The following UBE2QL1 variants were observed in gnomAD, a reference collection of about 807,000 sequenced individuals.
UBE2QL1 encodes the protein ubiquitin-conjugating enzyme E2Q-like protein 1.
UBE2QL1 carries 5 observed loss-of-function variants against 12.6 expected under a neutral mutation model. The ratio of observed to expected loss-of-function variants is 0.40; its 90% CI spans 0.21 to 0.83. The LOEUF is 0.83. Among genes scored for constraint, UBE2QL1 ranks in the 40% least tolerant of loss-of-function variants. The pLI, the probability that UBE2QL1 is intolerant of heterozygous loss-of-function variation, is 0.37. For missense variants in UBE2QL1, 99 were observed against 222.6 expected (o/e 0.44, Z 3.53); for synonymous variants, 96 against 94.5 (o/e 1.02, Z -0.10).
intron 1 of UBE2QL1, among the ~76,000 whole-genome samples, chr5:6,458,672 A>G (rs1054065687): frequency 3.3e-5 from 5 of 152,184 alleles, no homozygotes; most frequent in Non-Finnish European, 5.9e-5. Flanking sequence ...GCTAGGATTA[A>G]TTTGTGCTGG....
At chr5:6,464,395 G>A (rs189358465) in intron 1 of UBE2QL1, among the ~76,000 whole-genome samples, 36 of 152,268 alleles carry the variant, frequency 2.4e-4, no homozygotes, top group African/African-American at 7.7e-4. Flanking sequence ...GAAAAGGAAC[G>A]GGAAATAGCT....
chr5:6,491,446 T>C lies in UBE2QL1; in HGVS notation c.*97T>C, dbSNP rs1734568111. ...CTGTGCATCCTCCACCCGTTTTTAC[T>C]CCAGCCAGAACTGCATCCTGAATGC... On this transcript the variant is annotated 3_prime_UTR_variant, in exon 2 of 2. Coordinates refer to ENST00000399816, the MANE Select transcript of UBE2QL1 (RefSeq NM_001145161.3). The C allele has an allele frequency of 7.0e-7, 1 of 1,423,476 alleles. No individual in the cohort carries two copies. The allele number at this position is 1,423,476 out of a possible 1,614,324, so 88.2% of individuals were successfully genotyped here. A position where few individuals can be genotyped will look rare whatever the true frequency, so the allele number is the denominator to read the frequency against.
At position 6,470,018 on chromosome 5, in the gene UBE2QL1, C is replaced by T. The variant is rs1049746245; in HGVS notation, c.354+20771C>T. 2.0e-5 allele frequency among the ~76,000 whole-genome samples: 3 copies of T among 152,270 alleles called. No homozygotes were observed. In the East Asian group the frequency reaches 5.8e-4, roughly 29 times the overall value. ...GTCTGTGGCGATTATAAGACAACAG[C>T]GATGCCGGGGCCGCAGTGTTCAGAG... On this transcript the variant is annotated intron_variant, in intron 1 of 1. Transcript: ENST00000399816.
chr5:6,489,746 T>A (rs530899298), intron 1 of UBE2QL1, among the ~76,000 whole-genome samples: 51 of 152,370 alleles, frequency 3.3e-4, no homozygotes, highest in Admixed American at 9.1e-4. Flanking sequence ...CAGTGAGTTA[T>A]CAGAGAGCCA....
rs2126381383 is a variant in UBE2QL1 at position 6,493,956 on chromosome 5, C to T, written c.*2607C>T. On this transcript the variant is annotated 3_prime_UTR_variant, in exon 2 of 2. Transcript: ENST00000399816. ...TGAAGCCTGGGGCCACGTTCCCACACAAGCCAAGGAACCTATTCCTCTTTG... is the reference window on the plus strand; with the variant it reads ...TGAAGCCTGGGGCCACGTTCCCACATAAGCCAAGGAACCTATTCCTCTTTG... The T allele has an allele frequency of 6.6e-6, 1 of 152,368 alleles. No individual in the cohort carries two copies. Among genetic ancestry groups the T allele is most frequent in the Admixed American group, 6.5e-5 (1 of 15,310 alleles). 9.4% of individuals were successfully genotyped at this position (152,368 alleles called of 1,614,324 possible).
At chr5:6,453,265 C>T (rs535077028) in intron 1 of UBE2QL1, among the ~76,000 whole-genome samples, 1 of 152,190 alleles carries the variant, frequency 6.6e-6, no homozygotes, top group Non-Finnish European at 1.5e-5. Flanking sequence ...CATAACAGCT[C>T]ATGAGTGGCA....
At chr5:6,461,874 G>T (rs970559980) in intron 1 of UBE2QL1, among the ~76,000 whole-genome samples, 2 of 152,172 alleles carry the variant, frequency 1.3e-5, no homozygotes, top group African/African-American at 4.8e-5. Context: ...CCGTTTAGAG[G>T]TCTCAGGTTC....
chr5:6,488,950 T>G (rs75668380), intron 1 of UBE2QL1, among the ~76,000 whole-genome samples: 5,216 of 152,316 alleles, frequency 0.034, 330 homozygotes, highest in African/African-American at 0.12. Flanking sequence ...AGTGGTCTCT[T>G]TTTATCAAGC....
intron 1 of UBE2QL1, among the ~76,000 whole-genome samples, chr5:6,458,169 T>C (rs1739575563): frequency 6.6e-6 from 1 of 152,234 alleles, no homozygotes; most frequent in Admixed American, 6.5e-5. Flanking sequence ...ATCACTCAGA[T>C]TGAAGGAATG....
At position 6,496,672 on chromosome 5, in the gene UBE2QL1, CAA is replaced by C. The variant is rs1370679502; in HGVS notation, c.*5324_*5325del. Among the ~76,000 whole-genome samples the C allele has an allele frequency of 6.6e-6, 1 of 151,702 alleles. No homozygotes were observed. Among genetic ancestry groups the C allele is most frequent in the African/African-American group, 2.4e-5 (1 of 41,156 alleles). ...CACTGCCCTAATGAGAAAAAAAAAA[CAA>C]TGATTCTAGAAAATAAAACTTTAAA... On this transcript the variant is annotated 3_prime_UTR_variant, in exon 2 of 2. Coordinates refer to ENST00000399816, the MANE Select transcript of UBE2QL1 (RefSeq NM_001145161.3).
intron 1 of UBE2QL1, among the ~76,000 whole-genome samples, chr5:6,464,831 G>A (rs1056960331): frequency 6.6e-6 from 1 of 152,218 alleles, no homozygotes. Context: ...ACCTCTTGCA[G>A]TCAACAGCAT....
chr5:6,488,045 A>G (rs1182976888), intron 1 of UBE2QL1, among the ~76,000 whole-genome samples: 1 of 152,236 alleles, frequency 6.6e-6, no homozygotes, highest in African/African-American at 2.4e-5. Flanking sequence ...ATGAAAAAAA[A>G]ACTGTTAATT....
intron 1 of UBE2QL1, among the ~76,000 whole-genome samples, chr5:6,458,298 T>C (rs1215240399): frequency 6.6e-6 from 1 of 152,204 alleles, no homozygotes; most frequent in Non-Finnish European, 1.5e-5. Flanking sequence ...TACTGTCTGG[T>C]AAAGGATCAG....
intron 1 of UBE2QL1, among the ~76,000 whole-genome samples, chr5:6,466,377 C>T (rs545990518): frequency 1.4e-3 from 208 of 152,356 alleles, no homozygotes; most frequent in Admixed American, 4.1e-3. Flanking sequence ...CACAGCCTCT[C>T]CCCTTCCCCA....
rs961276297 is a variant in UBE2QL1, at chr5:6,466,143, G to A, written c.354+16896G>A. Among the ~76,000 whole-genome samples, 6 of 152,200 alleles carry A rather than the reference G, an allele frequency of 3.9e-5. No individual in the cohort carries two copies. In the South Asian group the frequency reaches 1.0e-3, roughly 26 times the overall value. ...TCCCCACTGACTCGGCAGCCACGGC[G>A]ATGCAGCGCCCAGCGTCTTCACGGT... On this transcript the variant is annotated intron_variant, in intron 1 of 1. Coordinates refer to ENST00000399816, the MANE Select transcript of UBE2QL1 (RefSeq NM_001145161.3).
chr5:6,453,618 A>G (rs1373272429), intron 1 of UBE2QL1, among the ~76,000 whole-genome samples: 1 of 152,192 alleles, frequency 6.6e-6, no homozygotes, highest in African/African-American at 2.4e-5. Flanking sequence ...GCTTTGTGAA[A>G]TGATATGCAG....
intron 1 of UBE2QL1, among the ~76,000 whole-genome samples, chr5:6,485,678 C>T (rs758422866): frequency 1.3e-5 from 2 of 152,094 alleles, no homozygotes; most frequent in African/African-American, 4.8e-5. Context: ...GAAATGAGTG[C>T]AGGAAACTCA....
chr5:6,486,938 G>A (rs946363001), intron 1 of UBE2QL1, among the ~76,000 whole-genome samples: 4 of 152,144 alleles, frequency 2.6e-5, no homozygotes, highest in African/African-American at 9.7e-5. Context: ...GGCCCAAGAT[G>A]CCAACAATAC....
At chr5:6,462,793 C>G (rs1005697676) in intron 1 of UBE2QL1, among the ~76,000 whole-genome samples, 2 of 152,102 alleles carry the variant, frequency 1.3e-5, no homozygotes, top group African/African-American at 4.8e-5. Flanking sequence ...ATTAAGTTGC[C>G]CAGGGAGATT....
Sources: gnomAD v4.1 joint callset for allele counts (sites outside exome capture counted in the v4.1 genomes callset) on GRCh38, gnomAD v4.1.1 for gene constraint, MANE v1.5 for transcripts, NCBI Gene and HGNC (gene_info 2026-07-23, HGNC 2026-07-21) for gene names.